Variants in CBR4 observed in about 807,000 individuals in gnomAD.
CBR4 encodes carbonyl reductase 4.
CBR4 carries 22 observed loss-of-function variants against 21.0 expected under a neutral mutation model. The observed-to-expected ratio is 1.05, with a 90% CI of 0.75 to 1.50. The LOEUF is 1.50. Ranked by LOEUF, CBR4 falls within the 40% of genes most tolerant of loss-of-function variation. CBR4 has a pLI of 0.00. For missense variants in CBR4, 302 were observed against 286.3 expected, an observed-to-expected ratio of 1.05 and a Z score of -0.40; for synonymous variants, 100 against 104.4, an observed-to-expected ratio of 0.96 and a Z score of 0.26.
Position 168,922,116 on chromosome 4 carries a change from C to T in CBR4, n.170-27351G>A, listed in dbSNP as rs200643647. ...ATATATATATATACACACACACACA[C>T]ACACACACACACACACACACACACA... On this transcript the variant is annotated intron_variant and non_coding_transcript_variant, in intron 2 of 3. Coordinates refer to the CBR4 transcript ENST00000509108. 6.5e-3 allele frequency among the ~76,000 whole-genome samples: 292 copies of T among 44,752 alleles called. No homozygotes were observed. In the East Asian group the frequency reaches 0.17, roughly 27 times the overall value. 29.4% of individuals were successfully genotyped at this position (44,752 alleles called of 152,430 possible).
chr4:168,921,523 T>C, intron 2 of CBR4: 1 of 1,567,950 alleles, frequency 6.4e-7, no homozygotes, highest in Non-Finnish European at 8.7e-7. Context: ...TGTATTTCTT[T>C]TATGATTTAG....
chr4:168,955,132 TTATGA>T (rs1378438164), intron 2 of CBR4, among the ~76,000 whole-genome samples: 1 of 152,240 alleles, frequency 6.6e-6, no homozygotes, highest in Non-Finnish European at 1.5e-5. Context: ...TAGTTAATGA[TTATGA>T]TATAACTATA....
At chr4:168,907,159 A>G (rs1757986702) in intron 2 of CBR4, among the ~76,000 whole-genome samples, 12 of 152,024 alleles carry the variant, frequency 7.9e-5, no homozygotes. Context: ...TAAATAGTAC[A>G]TGTAAAAAGC....
chr4:168,905,159 T>G (rs1211245335), intron 2 of CBR4, among the ~76,000 whole-genome samples: 10 of 138,438 alleles, frequency 7.2e-5, no homozygotes, highest in Admixed American at 3.6e-4. Flanking sequence ...TTTTTTTTTT[T>G]TTTTTTTTTG....
chr4:168,983,354 GA>G (rs1451801267), downstream of CBR4, among the ~76,000 whole-genome samples: 1 of 151,962 alleles, frequency 6.6e-6, no homozygotes, highest in African/African-American at 2.4e-5. Flanking sequence ...TATCTCCCAA[GA>G]TTGAACCAGG....
chr4:168,897,588 AG>A (rs1298129116), intron 2 of CBR4, among the ~76,000 whole-genome samples: 1 of 152,094 alleles, frequency 6.6e-6, no homozygotes, highest in Non-Finnish European at 1.5e-5. Context: ...CTGGGACAAC[AG>A]GCATGTACCA....
chr4:168,971,583 C>T lies in CBR4; in HGVS notation n.169+30488G>A, dbSNP rs1764212036. 2.0e-5 allele frequency among the ~76,000 whole-genome samples: 3 copies of T among 151,824 alleles called. No homozygotes were observed. In the South Asian group the frequency reaches 6.2e-4, roughly 32 times the overall value. ...AGAGGCATGGGCCACTGCACCTGGC[C>T]CATTTGTGTATCTTCTTGTGATAAT... is the stretch of plus-strand genomic sequence containing the variant. On this transcript the variant is annotated intron_variant and non_coding_transcript_variant, in intron 2 of 3. Transcript: ENST00000509108.
At chr4:168,899,062 C>A (rs1196998863) in intron 2 of CBR4, among the ~76,000 whole-genome samples, 2 of 152,116 alleles carry the variant, frequency 1.3e-5, no homozygotes, top group Admixed American at 6.5e-5. Context: ...AGTGGCCAGG[C>A]CTGCATATGA....
At chr4:168,971,416 C>T (rs1764203282) in intron 2 of CBR4, among the ~76,000 whole-genome samples, 2 of 150,438 alleles carry the variant, frequency 1.3e-5, no homozygotes, top group Admixed American at 1.3e-4. Flanking sequence ...ATCACAGGCA[C>T]ACACCACCAT....
chr4:168,935,188 C>G (rs1309094532), intron 2 of CBR4, among the ~76,000 whole-genome samples: 1 of 152,172 alleles, frequency 6.6e-6, no homozygotes, highest in Non-Finnish European at 1.5e-5. Flanking sequence ...GGAACTCCCT[C>G]CCCTAGCCAA....
intron 2 of CBR4, among the ~76,000 whole-genome samples, chr4:168,901,361 T>G (rs1327818986): frequency 1.3e-5 from 2 of 152,220 alleles, no homozygotes; most frequent in Non-Finnish European, 2.9e-5. Flanking sequence ...GTTCTCGTGC[T>G]TGTGCCCTCC....
intron 2 of CBR4, among the ~76,000 whole-genome samples, chr4:168,921,296 A>T (rs1251546707): frequency 2.7e-5 from 4 of 150,752 alleles, no homozygotes; most frequent in African/African-American, 4.9e-5. Flanking sequence ...AATCCCAGCT[A>T]CTCAGGAGGC....
intron 2 of CBR4, among the ~76,000 whole-genome samples, chr4:168,958,624 T>C (rs1763755770): frequency 6.6e-6 from 1 of 152,262 alleles, no homozygotes; most frequent in Admixed American, 6.5e-5. Context: ...TATGTTCAAC[T>C]TTTTAAGAGA....
chr4:168,993,713 C>T (rs1413758465), intron 4 of CBR4, among the ~76,000 whole-genome samples: 2 of 152,160 alleles, frequency 1.3e-5, no homozygotes, highest in Non-Finnish European at 2.9e-5. Flanking sequence ...GTAACTCTCA[C>T]AAACTGTCAG....
intron 2 of CBR4, among the ~76,000 whole-genome samples, chr4:168,980,449 A>G (rs762281856): frequency 6.6e-6 from 1 of 152,206 alleles, no homozygotes; most frequent in Non-Finnish European, 1.5e-5. Flanking sequence ...ATTCAGCCAC[A>G]AATAGACCAG....
intron 3 of CBR4, among the ~76,000 whole-genome samples, chr4:169,004,318 A>G (rs994752460): frequency 1.3e-5 from 2 of 152,194 alleles, no homozygotes; most frequent in Non-Finnish European, 2.9e-5. Context: ...AGACCATAAT[A>G]TAACTTTTAC....
At position 168,903,923 on chromosome 4, in the gene CBR4, G is replaced by T. The variant is rs1285175091; in HGVS notation, n.170-9158C>A. 1.2e-6 allele frequency: 2 copies of T among 1,611,880 alleles called. No homozygotes were observed. Among genetic ancestry groups the T allele is most frequent in the Admixed American group, 3.3e-5 (2 of 60,028 alleles). ...AACCCTCAGGTAAAGAAGGGTATAG[G>T]TCTGGGCTCAGTTCTGTGTCTAGTG... is the stretch of plus-strand genomic sequence containing the variant. On this transcript the variant is annotated intron_variant and non_coding_transcript_variant, in intron 2 of 3. Transcript: ENST00000509108.
intron 2 of CBR4, among the ~76,000 whole-genome samples, chr4:168,936,702 T>C (rs1362938224): frequency 6.6e-6 from 1 of 151,822 alleles, no homozygotes; most frequent in Non-Finnish European, 1.5e-5. Flanking sequence ...AAGATCAACT[T>C]AACGAAATAA....
At chr4:168,947,656 G>A (rs971851417) in intron 2 of CBR4, among the ~76,000 whole-genome samples, 1 of 152,040 alleles carries the variant, frequency 6.6e-6, no homozygotes, top group Non-Finnish European at 1.5e-5. Flanking sequence ...CTATTCCTGA[G>A]TTACTTCATT....
Sources: allele counts gnomAD v4.1 joint callset (sites outside exome capture counted in the v4.1 genomes callset), GRCh38; gene constraint gnomAD v4.1.1; transcripts MANE v1.5; gene names NCBI Gene and HGNC (gene_info 2026-07-23, HGNC 2026-07-21).